Variants in SOX5 observed in about 807,000 individuals in gnomAD.
SOX5 encodes transcription factor SOX-5.
A neutral mutation model predicts 92.0 loss-of-function variants in SOX5; 9 were observed. That is an observed-to-expected ratio of 0.10 (90% CI 0.06 to 0.17). SOX5 has a LOEUF of 0.17. Ranked by LOEUF, SOX5 falls within the 10% of genes least tolerant of loss-of-function variation. The pLI, the probability that SOX5 is intolerant of heterozygous loss-of-function variation, is 1.00. For missense variants in SOX5, 642 were observed against 944.5 expected (o/e 0.68, Z 4.20); for synonymous variants, 344 against 336.3 (o/e 1.02, Z -0.25).
intron 7 of SOX5, among the ~76,000 whole-genome samples, chr12:23,646,138 G>A (rs2080819650): frequency 6.6e-6 from 1 of 152,090 alleles, no homozygotes; most frequent in African/African-American, 2.4e-5. Context: ...GGTGGCTGTT[G>A]AAGGTTAGGG....
At chr12:24,384,022 G>A (rs920937366) in intron 1 of SOX5, among the ~76,000 whole-genome samples, 10 of 152,046 alleles carry the variant, frequency 6.6e-5, no homozygotes, top group Non-Finnish European at 1.5e-4. Context: ...CCCTTTGCTT[G>A]GCACTTCTCT....
chr12:23,749,418 T>C (rs1156490449), intron 4 of SOX5, among the ~76,000 whole-genome samples: 1 of 151,966 alleles, frequency 6.6e-6, no homozygotes, highest in Non-Finnish European at 1.5e-5. Flanking sequence ...TTGTTGTTTT[T>C]GCTTCAGTAT....
At chr12:23,704,731 C>CAT (rs1555274342) in intron 6 of SOX5, among the ~76,000 whole-genome samples, 32,571 of 130,790 alleles carry the variant, frequency 0.25, 5,111 homozygotes, top group Middle Eastern at 0.31. Flanking sequence ...CACACACACA[C>CAT]ATACACACAT....
chr12:24,427,546 T>A (rs1263297276), intron 1 of SOX5, among the ~76,000 whole-genome samples: 1 of 152,212 alleles, frequency 6.6e-6, no homozygotes, highest in African/African-American at 2.4e-5. Context: ...ATTAATTGAG[T>A]GCAATCTTTT....
At chr12:23,717,678 A>C (rs1379670567) in intron 6 of SOX5, among the ~76,000 whole-genome samples, 3 of 152,224 alleles carry the variant, frequency 2.0e-5, no homozygotes, top group Admixed American at 2.0e-4. Context: ...GTGGGCAGAC[A>C]TCCCACTGAT....
At chr12:23,809,381 T>C (rs937666760) in intron 3 of SOX5, among the ~76,000 whole-genome samples, 3 of 151,990 alleles carry the variant, frequency 2.0e-5, no homozygotes, top group Non-Finnish European at 4.4e-5. Flanking sequence ...AATAAATAAA[T>C]GTGAAAACCA....
intron 4 of SOX5, among the ~76,000 whole-genome samples, chr12:24,012,255 G>A (rs1953033249): frequency 6.6e-6 from 1 of 152,140 alleles, no homozygotes; most frequent in Non-Finnish European, 1.5e-5. Context: ...CTAGAATGAA[G>A]TATGTTCCCT....
intron 1 of SOX5, among the ~76,000 whole-genome samples, chr12:24,468,285 G>A (rs1304745487): frequency 6.6e-6 from 1 of 152,212 alleles, no homozygotes; most frequent in African/African-American, 2.4e-5. Flanking sequence ...ATTTGGATAA[G>A]TTATTTAATC....
intron 1 of SOX5, among the ~76,000 whole-genome samples, chr12:24,536,070 C>T (rs1657856042): frequency 6.6e-6 from 1 of 152,270 alleles, no homozygotes; most frequent in Middle Eastern, 3.4e-3. Flanking sequence ...TTTTGTGTCA[C>T]CAAATTATTA....
intron 1 of SOX5, among the ~76,000 whole-genome samples, chr12:24,488,323 T>G (rs375648620): frequency 1.2e-4 from 19 of 152,292 alleles, no homozygotes; most frequent in African/African-American, 4.6e-4. Context: ...GTGTGGTAAC[T>G]CACCCCTGTA....
At chr12:24,553,404 A>G (rs11833062) in intron 1 of SOX5, among the ~76,000 whole-genome samples, 47,366 of 152,098 alleles carry the variant, frequency 0.31, 8,856 homozygotes, top group East Asian at 0.81. Context: ...CCTGGAACAC[A>G]GTAAACACTC....
chr12:24,439,426 T>C (rs1200755239), intron 1 of SOX5, among the ~76,000 whole-genome samples: 1 of 152,176 alleles, frequency 6.6e-6, no homozygotes, highest in Non-Finnish European at 1.5e-5. Flanking sequence ...ATTTCCTCCA[T>C]TCATCTATCT....
chr12:24,271,904 C>G (rs1263062470), intron 3 of SOX5, among the ~76,000 whole-genome samples: 1 of 152,026 alleles, frequency 6.6e-6, no homozygotes, highest in Non-Finnish European at 1.5e-5. Context: ...ACCCATTGCT[C>G]CTTTATAAAG....
intron 8 of SOX5, among the ~76,000 whole-genome samples, chr12:23,622,848 A>G (rs557842980): frequency 6.0e-4 from 91 of 152,260 alleles, no homozygotes; most frequent in African/African-American, 2.1e-3. Flanking sequence ...AAAATCAGAA[A>G]CGAAATTCAG....
chr12:23,902,004 A>G (rs1260800697), intron 1 of SOX5, among the ~76,000 whole-genome samples: 2 of 152,220 alleles, frequency 1.3e-5, no homozygotes, highest in African/African-American at 4.8e-5. Flanking sequence ...AAACTTGAGA[A>G]AAATATTATA....
intron 1 of SOX5, among the ~76,000 whole-genome samples, chr12:23,940,399 G>GT (rs1328023670): frequency 6.6e-6 from 1 of 151,174 alleles, no homozygotes; most frequent in Non-Finnish European, 1.5e-5. Context: ...GCTTCTATAT[G>GT]TAAAGGCTGG....
intron 2 of SOX5, among the ~76,000 whole-genome samples, chr12:24,363,885 A>G (rs1209948163): frequency 1.3e-5 from 2 of 152,196 alleles, no homozygotes; most frequent in Non-Finnish European, 2.9e-5. Flanking sequence ...CAAGAGCCCA[A>G]ATCTGTCACC....
chr12:23,544,704 C>T (rs979568454), intron 12 of SOX5, among the ~76,000 whole-genome samples: 1 of 152,146 alleles, frequency 6.6e-6, no homozygotes, highest in Admixed American at 6.5e-5. Flanking sequence ...ATGACAGCAA[C>T]AAAAACTTTG....
chr12:23,760,301 G>C (rs1470524390), intron 3 of SOX5, among the ~76,000 whole-genome samples: 1 of 152,150 alleles, frequency 6.6e-6, no homozygotes, highest in East Asian at 1.9e-4. Flanking sequence ...TCAGTAAGTA[G>C]AACAGATGGA....
Sources: allele counts gnomAD v4.1 joint callset (sites outside exome capture counted in the v4.1 genomes callset), GRCh38; gene constraint gnomAD v4.1.1; transcripts MANE v1.5; gene names NCBI Gene and HGNC (gene_info 2026-07-23, HGNC 2026-07-21).